Variants in ANKRD30B observed in about 807,000 individuals in gnomAD.
The protein encoded by ANKRD30B is ankyrin repeat domain-containing protein 30B.
ANKRD30B carries 144 observed loss-of-function variants against 202.2 expected under a neutral mutation model. That is an observed-to-expected ratio of 0.71 (90% CI 0.62 to 0.82). The LOEUF (loss-of-function observed/expected upper bound fraction) is 0.82, where lower values mean the gene tolerates loss of function less well. ANKRD30B is among the 40% of genes least tolerant of loss of function. ANKRD30B has a pLI of 0.00. For synonymous variants in ANKRD30B, 508 were observed against 561.3 expected, an observed-to-expected ratio of 0.91 and a Z score of 1.34; for missense variants, 1,487 against 1,669.1, an observed-to-expected ratio of 0.89 and a Z score of 1.90.
At chr18:14,933,464 T>G in the ANKRD30B span, among the ~76,000 whole-genome samples, 2 of 151,654 alleles carry the variant, frequency 1.3e-5, no homozygotes, top group Non-Finnish European at 2.9e-5. Context: ...GGGCAGGAAA[T>G]TGGGGCCAGG....
intron 9 of ANKRD30B, among the ~76,000 whole-genome samples, chr18:14,772,733 TA>T (rs1967089675): frequency 6.7e-6 from 1 of 149,174 alleles, no homozygotes; most frequent in South Asian, 2.1e-4. Flanking sequence ...TTTTTGCATG[TA>T]TTATTTTGAT....
At chr18:14,794,664 A>G (rs897492975) in intron 16 of ANKRD30B, among the ~76,000 whole-genome samples, 1 of 152,182 alleles carries the variant, frequency 6.6e-6, no homozygotes, top group African/African-American at 2.4e-5. Flanking sequence ...TTTAAAGTGT[A>G]TTGAATACAA....
intron 39 of ANKRD30B, among the ~76,000 whole-genome samples, chr18:14,845,788 T>C (rs968814258): frequency 6.6e-5 from 10 of 152,328 alleles, no homozygotes; most frequent in Middle Eastern, 3.4e-3. Context: ...AGATTTGATG[T>C]CTGAAGAGGT....
Position 14,755,008 on chromosome 18 carries a change from A to G in ANKRD30B, c.617+3A>G. On this transcript the variant is annotated splice_donor_region_variant and intron_variant, in intron 4 of 43. Coordinates refer to ENST00000690538, the MANE Select transcript of ANKRD30B (RefSeq NM_001367607.2). ...AACGCATTTAATGAGTCTAAATGGT[A>G]TGGTAGTTCTTTTTTTTTACTAAAA... The G allele has an allele frequency of 6.9e-7, 1 of 1,444,410 alleles. No individual in the cohort carries two copies. Among genetic ancestry groups the G allele is most frequent in the Non-Finnish European group, 9.2e-7 (1 of 1,091,960 alleles). 89.5% of individuals were successfully genotyped at this position (1,444,410 alleles called of 1,614,324 possible).
At chr18:14,867,959 C>T in the ANKRD30B span, among the ~76,000 whole-genome samples, 1 of 152,222 alleles carries the variant, frequency 6.6e-6, no homozygotes, top group Non-Finnish European at 1.5e-5. Context: ...AGGAGGTGTC[C>T]CCTGTGGTGA....
the ANKRD30B span, among the ~76,000 whole-genome samples, chr18:14,917,958 T>C: frequency 6.6e-6 from 1 of 152,206 alleles, no homozygotes; most frequent in Non-Finnish European, 1.5e-5. Flanking sequence ...CTAATTTTGC[T>C]GGGGAAGTCT....
chr18:14,815,702 A>G (rs188781540), intron 30 of ANKRD30B, among the ~76,000 whole-genome samples: 1 of 152,234 alleles, frequency 6.6e-6, no homozygotes, highest in African/African-American at 2.4e-5. Flanking sequence ...GTTCTTATTC[A>G]TAGGTATTAT....
intron 30 of ANKRD30B, among the ~76,000 whole-genome samples, chr18:14,818,110 G>T (rs1270872155): frequency 6.6e-6 from 1 of 152,140 alleles, no homozygotes; most frequent in Non-Finnish European, 1.5e-5. Flanking sequence ...ATTATTTGAT[G>T]AAAGGAGATA....
At chr18:14,940,025 T>C in the ANKRD30B span, among the ~76,000 whole-genome samples, 48 of 152,370 alleles carry the variant, frequency 3.2e-4, no homozygotes, top group African/African-American at 1.1e-3. Context: ...CCGACATCGT[T>C]GACTCCTTAT....
At chr18:14,785,423 A>G (rs1483555525) in intron 14 of ANKRD30B, among the ~76,000 whole-genome samples, 2 of 152,254 alleles carry the variant, frequency 1.3e-5, no homozygotes, top group Admixed American at 6.5e-5. Context: ...TGACAGTAGC[A>G]TAGTTAATTG....
At chr18:14,919,621 T>C in the ANKRD30B span, among the ~76,000 whole-genome samples, 1 of 152,210 alleles carries the variant, frequency 6.6e-6, no homozygotes, top group Admixed American at 6.5e-5. Context: ...GGAACTGAAG[T>C]GTTTTCACTA....
the ANKRD30B span, among the ~76,000 whole-genome samples, chr18:14,911,482 A>AT: frequency 6.6e-6 from 1 of 152,056 alleles, no homozygotes; most frequent in Non-Finnish European, 1.5e-5. Context: ...TCATTGGTCT[A>AT]TGGGTCTATT....
At chr18:14,914,017 G>A in the ANKRD30B span, among the ~76,000 whole-genome samples, 1 of 152,180 alleles carries the variant, frequency 6.6e-6, no homozygotes, top group Admixed American at 6.5e-5. Flanking sequence ...CCAAAGTACT[G>A]CAGCTTGTGT....
intron 39 of ANKRD30B, among the ~76,000 whole-genome samples, chr18:14,847,162 A>G (rs1047251054): frequency 4.7e-5 from 7 of 148,150 alleles, no homozygotes; most frequent in Admixed American, 1.4e-4. Context: ...TTTTTGTGGT[A>G]TAAGTTTATT....
intron 26 of ANKRD30B, among the ~76,000 whole-genome samples, chr18:14,809,406 A>G (rs10468633): frequency 0.52 from 77,835 of 149,746 alleles, 21,633 homozygotes; most frequent in Non-Finnish European, 0.54. Flanking sequence ...ATAGAAACAC[A>G]ATGTGAAGCT....
chr18:14,829,131 C>T (rs1220281749), intron 33 of ANKRD30B, among the ~76,000 whole-genome samples: 2 of 151,970 alleles, frequency 1.3e-5, no homozygotes, highest in African/African-American at 4.8e-5. Context: ...TTCTTTTCTT[C>T]TATTATTTTA....
chr18:14,817,389 A>G (rs895436969), intron 30 of ANKRD30B, among the ~76,000 whole-genome samples: 2 of 152,222 alleles, frequency 1.3e-5, no homozygotes, highest in African/African-American at 4.8e-5. Context: ...ATAAAAAAAT[A>G]ACAAAGGCAG....
chr18:14,748,682 C>A (rs1444698275), intron 1 of ANKRD30B, 42 bp downstream of exon 1: 7 of 1,486,374 alleles, frequency 4.7e-6, no homozygotes, highest in South Asian at 2.7e-5. Flanking sequence ...GAGGAGGAGG[C>A]GGCTGTGGGA....
chr18:14,909,043 C>T, the ANKRD30B span, among the ~76,000 whole-genome samples: 1 of 152,160 alleles, frequency 6.6e-6, no homozygotes, highest in Non-Finnish European at 1.5e-5. Flanking sequence ...AGTGCAGAGC[C>T]AGCCTTTGTC....
Sources: allele counts gnomAD v4.1 joint callset (sites outside exome capture counted in the v4.1 genomes callset), GRCh38; gene constraint gnomAD v4.1.1; transcripts MANE v1.5; gene names NCBI Gene and HGNC (gene_info 2026-07-23, HGNC 2026-07-21).